Variants in FAS observed in about 807,000 individuals in gnomAD.
The protein encoded by FAS is Fas cell surface death receptor.
A neutral mutation model predicts 33.2 loss-of-function variants in FAS; 5 were observed. That is an observed-to-expected ratio of 0.15 (90% CI 0.08 to 0.32). The LOEUF (loss-of-function observed/expected upper bound fraction) is 0.32, where lower values mean the gene tolerates loss of function less well. FAS is among the 10% of genes least tolerant of loss of function. The pLI, the probability that FAS is intolerant of heterozygous loss-of-function variation, is 1.00. For missense variants in FAS, 339 were observed against 386.0 expected, an observed-to-expected ratio of 0.88 and a Z score of 1.02; for synonymous variants, 131 against 130.7, an observed-to-expected ratio of 1.00 and a Z score of -0.01.
Position 88,990,920 on chromosome 10 carries a change from T to C in FAS, c.30+14T>C. 1.2e-6 allele frequency: 2 copies of C among 1,614,202 alleles called. No homozygotes were observed. Among genetic ancestry groups the C allele is most frequent in the Non-Finnish European group, 8.5e-7 (1 of 1,180,024 alleles). On this transcript the variant is annotated intron_variant, in intron 1 of 8. Coordinates refer to ENST00000652046, the MANE Select transcript of FAS (RefSeq NM_000043.6). The surrounding 1 kb of genome is among the most constrained non-coding windows in gnomAD (Gnocchi z 4.9). Reference sequence around the variant, plus strand: ...CTCCTACCTCTGGTGAGCCCTCTCCTGCCCGGGTGGAGGCTTACCCCGTCT... The same window carrying C: ...CTCCTACCTCTGGTGAGCCCTCTCCCGCCCGGGTGGAGGCTTACCCCGTCT...
At chr10:88,997,219 C>T (rs1364184696) in intron 1 of FAS, among the ~76,000 whole-genome samples, 2 of 152,186 alleles carry the variant, frequency 1.3e-5, no homozygotes, top group Admixed American at 1.3e-4. Flanking sequence ...TCTCAGAGAT[C>T]CTGATTCCTT....
chr10:88,991,318 C>G, intron 1 of FAS: 1 of 356,490 alleles, frequency 2.8e-6, no homozygotes, highest in Non-Finnish European at 5.3e-6. Context: ...TGGACAAGCC[C>G]TGACAAGCCA....
At chr10:88,985,953 G>A (rs781693476), upstream of FAS, among the ~76,000 whole-genome samples, 1 of 152,148 alleles carries the variant, frequency 6.6e-6, no homozygotes, top group East Asian at 1.9e-4. Flanking sequence ...TTCAATAGTG[G>A]CATATTTATT....
At chr10:88,991,093 C>A in intron 1 of FAS, 187 bp downstream of exon 1, 1 of 702,760 alleles carries the variant, frequency 1.4e-6, no homozygotes, top group Non-Finnish European at 2.4e-6. Context: ...TTCCCTCAGG[C>A]CCGGGTGCTC....
rs1848824551 is a variant in FAS at position 89,016,848 on chromosome 10, G to C, written c.*2398G>C. ...GGTCTTCTTTATTGGCATGCCCACA[G>C]GGTCTTCTGACCTCTGATTAGATCA... On this transcript the variant is annotated 3_prime_UTR_variant, in exon 9 of 9. Coordinates refer to ENST00000652046, the MANE Select transcript of FAS (RefSeq NM_000043.6). 4.8e-6 allele frequency: 1 copy of C among 206,530 alleles called. No homozygotes were observed. Among genetic ancestry groups the C allele is most frequent in the South Asian group, 1.9e-4 (1 of 5,306 alleles). 12.8% of individuals were successfully genotyped at this position (206,530 alleles called of 1,614,324 possible). A position where few individuals can be genotyped will look rare whatever the true frequency, so the allele number is the denominator to read the frequency against.
chr10:88,991,041 G>C (rs1423842099), intron 1 of FAS, 135 bp downstream of exon 1: 1 of 1,238,234 alleles, frequency 8.1e-7, no homozygotes, highest in African/African-American at 1.5e-5. Flanking sequence ...GCGGGCTGCT[G>C]CGGGAGGCGT....
At chr10:88,979,576 C>T (rs1846658738) in intron 2 of FAS, among the ~76,000 whole-genome samples, 1 of 152,034 alleles carries the variant, frequency 6.6e-6, no homozygotes, top group South Asian at 2.1e-4. Flanking sequence ...GGGCTGTTCT[C>T]TCTCACTCTC....
In FAS at chr10:89,010,602, T is replaced by C. The variant is rs2133527966; in HGVS notation, c.505+2T>C. 6.2e-7 allele frequency: 1 copy of C among 1,613,596 alleles called. No individual in the cohort carries two copies. Among genetic ancestry groups the C allele is most frequent in the East Asian group, 2.2e-5 (1 of 44,850 alleles). On this transcript the variant is annotated splice_donor_variant, in intron 5 of 8. Coordinates refer to ENST00000652046, the MANE Select transcript of FAS (RefSeq NM_000043.6). LOFTEE classifies it high-confidence loss of function. ...GCAACACCAAGTGCAAAGAGGAAGG[T>C]AATTATTTTTTTACGGTTATATTCT...
At chr10:89,001,153 G>A (rs73368881) in intron 1 of FAS, among the ~76,000 whole-genome samples, 11 of 152,130 alleles carry the variant, frequency 7.2e-5, no homozygotes, top group South Asian at 4.1e-4. Flanking sequence ...ACAACAAACC[G>A]TTTGCAGTGT....
chr10:89,000,497 GA>G (rs1847858926), intron 1 of FAS, among the ~76,000 whole-genome samples: 1 of 152,110 alleles, frequency 6.6e-6, no homozygotes, highest in African/African-American at 2.4e-5. Context: ...GCAAAATGAA[GA>G]AAAATAGTCT....
intron 8 of FAS, among the ~76,000 whole-genome samples, chr10:89,013,809 T>C (rs1478309184): frequency 6.6e-6 from 1 of 152,252 alleles, no homozygotes; most frequent in Non-Finnish European, 1.5e-5. Flanking sequence ...TTGTGGGTCA[T>C]TGATCATTGG....
intron 1 of FAS, among the ~76,000 whole-genome samples, chr10:88,996,199 G>GT (rs9658688): frequency 0.57 from 86,644 of 151,806 alleles, 25,973 homozygotes; most frequent in African/African-American, 0.77. Flanking sequence ...GAAGACTCTT[G>GT]TTTTTTTGCT....
chr10:89,002,978 G>T, intron 1 of FAS, 51 bp from the exon 2 acceptor site: 1 of 1,608,698 alleles, frequency 6.2e-7, no homozygotes, highest in Non-Finnish European at 8.5e-7. Context: ...TGTTTACCAC[G>T]TTGCTTACTT....
At chr10:88,989,760 T>A (rs1847055490), upstream of FAS, among the ~76,000 whole-genome samples, 1 of 152,156 alleles carries the variant, frequency 6.6e-6, no homozygotes, top group East Asian at 1.9e-4. Context: ...TGAATCTAAT[T>A]GGGAAGGGAG....
At position 89,016,550 on chromosome 10, in the gene FAS, T is replaced by G. The variant is rs1848812603; in HGVS notation, c.*2100T>G. On this transcript the variant is annotated 3_prime_UTR_variant, in exon 9 of 9. Transcript: ENST00000652046. Reference sequence around the variant, plus strand: ...CTTTGGGAGGAAGACAGTGGAGAAGTCTTTGTACTTGGTGATGTGGTTTTT... The same window carrying G: ...CTTTGGGAGGAAGACAGTGGAGAAGGCTTTGTACTTGGTGATGTGGTTTTT... 1 of 226,508 alleles carries G rather than the reference T, an allele frequency of 4.4e-6. No homozygotes were observed. Among genetic ancestry groups the G allele is most frequent in the African/African-American group, 2.2e-5 (1 of 44,970 alleles). 14.0% of individuals were successfully genotyped at this position (226,508 alleles called of 1,614,324 possible). A position where few individuals can be genotyped will look rare whatever the true frequency, so the allele number is the denominator to read the frequency against.
chr10:88,983,958 T>A (rs572676510), upstream of FAS, among the ~76,000 whole-genome samples: 4 of 149,602 alleles, frequency 2.7e-5, no homozygotes, highest in Non-Finnish European at 5.9e-5. Context: ...GGCTGCCTAG[T>A]TATCCTTGTT....
At chr10:89,002,850 A>C (rs1227310867) in intron 1 of FAS, 179 bp from the exon 2 acceptor site, 7 of 648,964 alleles carry the variant, frequency 1.1e-5, no homozygotes, top group African/African-American at 1.8e-5. Context: ...CTGAGATCCA[A>C]ACTGCTATAC....
chr10:89,012,272 G>A (rs1196112376), intron 7 of FAS, 191 bp downstream of exon 7: 2 of 543,940 alleles, frequency 3.7e-6, no homozygotes, highest in East Asian at 3.4e-5. Context: ...CAAAGTCCTG[G>A]GCTCAAGTGA....
At chr10:88,999,044 T>A (rs866514186) in intron 1 of FAS, among the ~76,000 whole-genome samples, 23 of 151,826 alleles carry the variant, frequency 1.5e-4, no homozygotes, top group African/African-American at 4.3e-4. Context: ...TCCCAGCTAC[T>A]CGGGAAGCTG....
Sources: gnomAD v4.1 joint callset for allele counts (sites outside exome capture counted in the v4.1 genomes callset) on GRCh38, gnomAD v4.1.1 for gene constraint, Gnocchi (gnomAD v3.1) non-coding constraint, MANE v1.5 for transcripts, NCBI Gene and HGNC (gene_info 2026-07-23, HGNC 2026-07-21) for gene names.